HOXD11: variants seen among roughly 807,000 people sequenced by gnomAD.
HOXD11 encodes homeobox protein Hox-D11.
HOXD11 carries 16 observed loss-of-function variants against 23.1 expected under a neutral mutation model. That is an observed-to-expected ratio of 0.69 (90% confidence interval 0.47 to 1.05). The LOEUF is 1.05. HOXD11 is among the 50% of genes least tolerant of loss of function. HOXD11 has a pLI of 0.00. For missense variants in HOXD11, 564 were observed against 495.6 expected (o/e 1.14, Z -1.31); for synonymous variants, 262 against 224.4 (o/e 1.17, Z -1.50).
downstream of HOXD11, among the ~76,000 whole-genome samples, chr2:176,110,218 C>T (rs1689655099): frequency 6.6e-6 from 1 of 152,210 alleles, no homozygotes. Context: ...GCATTTATCG[C>T]TTCAAGTTAA....
Position 176,107,840 on chromosome 2 carries a change from C to G in HOXD11, c.485C>G (p.Ser162Cys). The part of the protein sequence containing the change: ...GPPHGPAGAA[S>C]NFYSAVGRNG... The stretch of plus-strand genomic sequence containing the variant: ...CCGCACGGCCCCGCGGGCGCCGCCT[C>G]CAACTTCTACAGCGCGGTGGGCCGC... Residue 162 changes from serine to cysteine, a missense_variant, in exon 1 of 2, where the codon TCC becomes TGC. By Grantham distance (112) the Ser-to-Cys change is moderately radical. Transcript: ENST00000249504. 2.1e-6 allele frequency: 3 copies of G among 1,437,232 alleles called. No individual in the cohort carries two copies. Among genetic ancestry groups the G allele is most frequent in the Non-Finnish European group, 2.7e-6 (3 of 1,092,006 alleles). The allele number at this position is 1,437,232 out of a possible 1,614,324, so 89.0% of individuals were successfully genotyped here. A position where few individuals can be genotyped will look rare whatever the true frequency, so the allele number is the denominator to read the frequency against.
intron 1 of HOXD11, 48 bp downstream of exon 1, chr2:176,108,184 AG>A (rs71004257): frequency 0.47 from 66,798 of 142,220 alleles, 11,819 homozygotes; most frequent in Non-Finnish European, 0.49. Context: ...GCCGCGGGGG[AG>A]GGGGGGGGGG....
chr2:176,115,365 T>C, the HOXD11 span, among the ~76,000 whole-genome samples: 3 of 152,228 alleles, frequency 2.0e-5, no homozygotes, highest in Admixed American at 6.5e-5. Flanking sequence ...TTTTAATATT[T>C]GACAATTTGT....
At position 176,107,566 on chromosome 2, in the gene HOXD11, G is replaced by T. The variant is rs371551703; in HGVS notation, c.211G>T (p.Ala71Ser). Residue 71 changes from alanine (A) to serine (S), a missense_variant, in exon 1 of 2, where the codon GCC becomes TCC. By Grantham distance (99) the Ala-to-Ser change is moderately conservative (BLOSUM62 1). Transcript: ENST00000249504. ...CTTCCGCGACTACGGCCTGGAGCGC[G>T]CCAAGTGGCCGTACCGCGGCGGCGG... ...VAFRDYGLERAKWPYRGGGGG... is the reference protein window; with the variant it reads ...VAFRDYGLERSKWPYRGGGGG... The T allele has an allele frequency of 6.4e-7, 1 of 1,566,864 alleles. No homozygotes were observed. Among genetic ancestry groups the T allele is most frequent in the Non-Finnish European group, 8.6e-7 (1 of 1,156,960 alleles).
In HOXD11 at chr2:176,107,361, C is replaced by A; in HGVS notation, c.6C>A (p.Asn2Lys). Residue 2 changes from asparagine (N) to lysine (K), a missense_variant, in exon 1 of 2, where the codon AAC (asparagine) becomes AAA (lysine). Coordinates refer to ENST00000249504, the MANE Select transcript of HOXD11 (RefSeq NM_021192.3). ...GGCGCGCACGCCGCGGAGTCATGAA[C>A]GACTTTGACGAGTGCGGCCAGAGCG... is the stretch of plus-strand genomic sequence containing the variant. M[N>K]DFDECGQSAA... The A allele has an allele frequency of 1.9e-6, 3 of 1,600,046 alleles. No individual in the cohort carries two copies. Among genetic ancestry groups the A allele is most frequent in the Non-Finnish European group, 2.6e-6 (3 of 1,174,242 alleles).
chr2:176,113,729 G>A (rs1250680948), downstream of HOXD11, among the ~76,000 whole-genome samples: 1 of 152,180 alleles, frequency 6.6e-6, no homozygotes, highest in Non-Finnish European at 1.5e-5. Flanking sequence ...GGGTCTGAAA[G>A]CAGAAATTTT....
At chr2:176,112,230 G>A (rs993774261), downstream of HOXD11, among the ~76,000 whole-genome samples, 1 of 152,256 alleles carries the variant, frequency 6.6e-6, no homozygotes, top group Admixed American at 6.5e-5. Context: ...GTCTTGAGCA[G>A]AGTTGAATTG....
At chr2:176,114,053 T>C (rs1689714520), downstream of HOXD11, among the ~76,000 whole-genome samples, 1 of 152,242 alleles carries the variant, frequency 6.6e-6, no homozygotes, top group Non-Finnish European at 1.5e-5. Context: ...AGTCTTGCCT[T>C]TCTTAGGGTA....
rs568681407 is a variant in HOXD11, at chr2:176,109,481, A to G, written c.*339A>G. ...AAGTTGGGCCGGGTTGGGGGTTGCT[A>G]GAAGGCGCTGGTGTTTTGCTCTGAG... On this transcript the variant is annotated 3_prime_UTR_variant, in exon 2 of 2. Transcript: ENST00000249504. 1.4e-4 allele frequency: 42 copies of G among 310,720 alleles called. 1 individual carries two copies. In the South Asian group the frequency reaches 2.7e-3, roughly 20 times the overall value. The allele number at this position is 310,720 out of a possible 1,614,324, so 19.2% of individuals were successfully genotyped here.
chr2:176,115,648 T>C, the HOXD11 span, among the ~76,000 whole-genome samples: 2 of 152,218 alleles, frequency 1.3e-5, no homozygotes, highest in Non-Finnish European at 2.9e-5. Context: ...TCTTAATATG[T>C]ATTAATAAAT....
chr2:176,111,875 G>T (rs11691389), downstream of HOXD11, among the ~76,000 whole-genome samples: 1 of 116,372 alleles, frequency 8.6e-6, no homozygotes, highest in Non-Finnish European at 1.7e-5. Flanking sequence ...CCCCCTCTCA[G>T]ACCTCCTGGG....
downstream of HOXD11, among the ~76,000 whole-genome samples, chr2:176,112,105 C>T (rs982375353): frequency 2.0e-5 from 3 of 152,230 alleles, no homozygotes; most frequent in African/African-American, 4.8e-5. Flanking sequence ...CGGGAGGCAG[C>T]AGGCACTCGG....
downstream of HOXD11, among the ~76,000 whole-genome samples, chr2:176,112,467 C>T (rs1689690834): frequency 6.6e-6 from 1 of 152,250 alleles, no homozygotes; most frequent in South Asian, 2.1e-4. Context: ...CCTCCAAGCC[C>T]TGGACCAAAG....
At chr2:176,108,176 C>A in intron 1 of HOXD11, 40 bp downstream of exon 1, 1 of 99,008 alleles carries the variant, frequency 1.0e-5, no homozygotes, top group Non-Finnish European at 1.3e-5. Flanking sequence ...GCCCGGGGGC[C>A]GCGGGGGAGG....
At chr2:176,115,466 G>A in the HOXD11 span, among the ~76,000 whole-genome samples, 3 of 152,196 alleles carry the variant, frequency 2.0e-5, no homozygotes, top group Admixed American at 2.0e-4. Context: ...ACGCCATTAT[G>A]GTAAATTTAA....
downstream of HOXD11, among the ~76,000 whole-genome samples, chr2:176,112,244 C>T (rs1689686936): frequency 6.6e-6 from 1 of 152,238 alleles, no homozygotes; most frequent in African/African-American, 2.4e-5. Context: ...TGAATTGTGG[C>T]TCTCAGAAGC....
chr2:176,114,933 G>A, the HOXD11 span, among the ~76,000 whole-genome samples: 24 of 152,236 alleles, frequency 1.6e-4, no homozygotes, highest in Non-Finnish European at 3.1e-4. Flanking sequence ...TTCTTGGCTG[G>A]CAGGAAGGGA....
At chr2:176,108,808 G>C (rs1689628815) in intron 1 of HOXD11, 99 bp from the exon 2 acceptor site, 3 of 767,148 alleles carry the variant, frequency 3.9e-6, no homozygotes, top group Non-Finnish European at 6.3e-6. Context: ...GTCCCCAACG[G>C]GGCCAGGGCC....
downstream of HOXD11, among the ~76,000 whole-genome samples, chr2:176,110,454 A>T (rs908642880): frequency 4.6e-5 from 7 of 152,224 alleles, no homozygotes; most frequent in African/African-American, 1.7e-4. Context: ...GAATCTTATG[A>T]GTCTTAACCT....
Sources: allele counts gnomAD v4.1 joint callset (sites outside exome capture counted in the v4.1 genomes callset), GRCh38; gene constraint gnomAD v4.1.1; transcripts MANE v1.5; gene names NCBI Gene and HGNC (gene_info 2026-07-23, HGNC 2026-07-21).